TMTC2: variants seen among roughly 807,000 people sequenced by gnomAD.
TMTC2 encodes protein O-mannosyl-transferase TMTC2.
Under a neutral mutation model 82.4 loss-of-function variants are expected in TMTC2, and 43 were observed. The ratio of observed to expected loss-of-function variants is 0.52; its 90% CI spans 0.41 to 0.67. The LOEUF (loss-of-function observed/expected upper bound fraction) is 0.67, where lower values mean the gene tolerates loss of function less well. TMTC2 is among the 30% of genes least tolerant of loss of function. The probability of loss-of-function intolerance (pLI) is 0.00; values close to 1 mark genes in which losing one functional copy is unlikely to be tolerated. For missense variants in TMTC2, 919 were observed against 1,012.4 expected (o/e 0.91, Z 1.25); for synonymous variants, 408 against 381.9 (o/e 1.07, Z -0.80).
chr12:82,822,626 T>G (rs1202032686), intron 1 of TMTC2, among the ~76,000 whole-genome samples: 2 of 152,224 alleles, frequency 1.3e-5, no homozygotes, highest in African/African-American at 4.8e-5. Context: ...CTGACTTAGC[T>G]TATCAGCCTG....
chr12:82,816,881 GT>G (rs1194581127), intron 1 of TMTC2, among the ~76,000 whole-genome samples: 1 of 151,808 alleles, frequency 6.6e-6, no homozygotes, highest in Non-Finnish European at 1.5e-5. Context: ...TGTAGAAATA[GT>G]TTAGGCTGAA....
intron 4 of TMTC2, among the ~76,000 whole-genome samples, chr12:82,936,327 T>C (rs1027089907): frequency 7.2e-5 from 11 of 152,088 alleles, no homozygotes; most frequent in Admixed American, 6.5e-5. Flanking sequence ...TTCTTATGTA[T>C]TTTTTATGAA....
chr12:82,830,464 A>G (rs1043945417), intron 1 of TMTC2, among the ~76,000 whole-genome samples: 1 of 152,104 alleles, frequency 6.6e-6, no homozygotes. Context: ...ACAGATAGCT[A>G]GATACAATAT....
At chr12:82,743,508 C>T (rs1482461858) in intron 1 of TMTC2, among the ~76,000 whole-genome samples, 4 of 151,504 alleles carry the variant, frequency 2.6e-5, no homozygotes, top group African/African-American at 9.7e-5. Context: ...ACAAGAACTG[C>T]CAAGTACTCA....
At chr12:82,773,568 C>T (rs1429807562) in intron 1 of TMTC2, among the ~76,000 whole-genome samples, 1 of 151,108 alleles carries the variant, frequency 6.6e-6, no homozygotes, top group Non-Finnish European at 1.5e-5. Context: ...TCAAGTGATT[C>T]TCCTGCCTCA....
chr12:82,753,363 T>C (rs1159306894), intron 1 of TMTC2, among the ~76,000 whole-genome samples: 1 of 151,980 alleles, frequency 6.6e-6, no homozygotes, highest in Non-Finnish European at 1.5e-5. Flanking sequence ...TTTCTGGTTT[T>C]TTAGCAAAAG....
intron 4 of TMTC2, among the ~76,000 whole-genome samples, chr12:82,939,109 A>G (rs1301598481): frequency 6.6e-6 from 1 of 152,026 alleles, no homozygotes; most frequent in Non-Finnish European, 1.5e-5. Context: ...ATATTGCTTC[A>G]TTTTCCATTT....
At chr12:82,731,814 A>G (rs892565776) in intron 1 of TMTC2, among the ~76,000 whole-genome samples, 2 of 152,256 alleles carry the variant, frequency 1.3e-5, no homozygotes, top group Non-Finnish European at 2.9e-5. Flanking sequence ...GGTTTGTGTG[A>G]TAAATGACTA....
intron 1 of TMTC2, among the ~76,000 whole-genome samples, chr12:82,840,612 T>TGGTTTTGG (rs1404879333): frequency 6.6e-6 from 1 of 152,238 alleles, no homozygotes; most frequent in Non-Finnish European, 1.5e-5. Context: ...CTCATGGTCC[T>TGGTTTTGG]GGTTTTGGGA....
At chr12:82,706,839 A>C (rs889227683) in intron 1 of TMTC2, among the ~76,000 whole-genome samples, 2 of 152,068 alleles carry the variant, frequency 1.3e-5, no homozygotes, top group African/African-American at 4.8e-5. Flanking sequence ...GGGTGAAGGG[A>C]GATGGAAAGA....
At chr12:82,761,999 C>G (rs538273365) in intron 1 of TMTC2, among the ~76,000 whole-genome samples, 1 of 129,256 alleles carries the variant, frequency 7.7e-6, no homozygotes, top group African/African-American at 3.0e-5. Flanking sequence ...CCAAGTCACG[C>G]TCTGTTGCCC....
chr12:82,709,161 G>T (rs1406136477), intron 1 of TMTC2, among the ~76,000 whole-genome samples: 1 of 151,420 alleles, frequency 6.6e-6, no homozygotes, highest in Non-Finnish European at 1.5e-5. Context: ...TACTTTTTGA[G>T]ACTCCCCATT....
intron 9 of TMTC2, among the ~76,000 whole-genome samples, chr12:83,039,093 GGCTAATTTTTGTATTTTTA>G (rs1881793044): frequency 6.6e-6 from 1 of 151,856 alleles, no homozygotes; most frequent in Non-Finnish European, 1.5e-5. Flanking sequence ...CACCATGCCC[GGCTAATTTTTGTATTTTTA>G]GTAGAGACAA....
At chr12:82,956,276 G>A (rs1339228550) in intron 4 of TMTC2, among the ~76,000 whole-genome samples, 4 of 151,996 alleles carry the variant, frequency 2.6e-5, no homozygotes, top group South Asian at 4.1e-4. Flanking sequence ...CTTAGGCACA[G>A]AGTACCAAGT....
intron 2 of TMTC2, among the ~76,000 whole-genome samples, chr12:82,860,242 G>A (rs1246975275): frequency 6.6e-6 from 1 of 152,190 alleles, no homozygotes; most frequent in East Asian, 1.9e-4. Flanking sequence ...AAAGTGCTGG[G>A]ATTACAGGCG....
At chr12:82,828,727 T>C (rs1355933016) in intron 1 of TMTC2, among the ~76,000 whole-genome samples, 2 of 152,094 alleles carry the variant, frequency 1.3e-5, no homozygotes, top group Admixed American at 1.3e-4. Flanking sequence ...ACCATACACA[T>C]AGTACCCAAA....
intron 1 of TMTC2, among the ~76,000 whole-genome samples, chr12:82,697,398 G>C (rs1157289751): frequency 6.7e-6 from 1 of 150,094 alleles, no homozygotes; most frequent in African/African-American, 2.5e-5. Context: ...TTATTCCCAC[G>C]TACAGCAGAT....
At chr12:82,694,817 G>T (rs1415414493) in intron 1 of TMTC2, among the ~76,000 whole-genome samples, 1 of 151,934 alleles carries the variant, frequency 6.6e-6, no homozygotes, top group Non-Finnish European at 1.5e-5. Context: ...ATAGCCATGT[G>T]ATCATAATTT....
chr12:82,866,274 TC>T (rs1871857439), intron 2 of TMTC2, among the ~76,000 whole-genome samples: 2 of 151,914 alleles, frequency 1.3e-5, no homozygotes, highest in African/African-American at 4.8e-5. Flanking sequence ...CAAAAAACTT[TC>T]TTTCTCCTGT....
Sources: gnomAD v4.1 joint callset for allele counts (sites outside exome capture counted in the v4.1 genomes callset) on GRCh38, gnomAD v4.1.1 for gene constraint, MANE v1.5 for transcripts, NCBI Gene and HGNC (gene_info 2026-07-23, HGNC 2026-07-21) for gene names.